The following LRRC2 variants were observed in gnomAD, a reference collection of about 807,000 sequenced individuals.
The protein encoded by LRRC2 is leucine rich repeat containing 2.
LRRC2 carries 27 observed loss-of-function variants against 40.2 expected under a neutral mutation model. The observed-to-expected ratio is 0.67, with a 90% CI of 0.49 to 0.93. The LOEUF (loss-of-function observed/expected upper bound fraction) is 0.93, where lower values mean the gene tolerates loss of function less well. Ranked by LOEUF, LRRC2 falls within the 40% of genes least tolerant of loss-of-function variation. The pLI is 0.00. For synonymous variants in LRRC2, 147 were observed against 158.9 expected, an observed-to-expected ratio of 0.92 and a Z score of 0.56; for missense variants, 402 against 439.6, an observed-to-expected ratio of 0.91 and a Z score of 0.76.
At chr3:46,550,377 C>CTTTTTTTTTTTT (rs34602158) in intron 2 of LRRC2, among the ~76,000 whole-genome samples, 1 of 84,006 alleles carries the variant, frequency 1.2e-5, no homozygotes, top group African/African-American at 5.0e-5. Flanking sequence ...CCTTACACAT[C>CTTTTTTTTTTTT]TTTTTTTTTT....
At chr3:46,560,474 T>G (rs1704910153) in intron 1 of LRRC2, among the ~76,000 whole-genome samples, 1 of 152,228 alleles carries the variant, frequency 6.6e-6, no homozygotes, top group Non-Finnish European at 1.5e-5. Context: ...CATCATCATA[T>G]GCTACCCCAA....
Position 46,545,049 on chromosome 3 carries a change from C to A in LRRC2, c.330G>T (p.Trp110Cys). 1 of 1,612,416 alleles carries A rather than the reference C, an allele frequency of 6.2e-7. No individual in the cohort carries two copies. Among genetic ancestry groups the A allele is most frequent in the Non-Finnish European group, 8.5e-7 (1 of 1,179,812 alleles). The change falls in exon 3 of 9, where the codon TGG (tryptophan) becomes TGT (cysteine). Residue 110 changes from tryptophan to cysteine, a missense_variant. By Grantham distance (215) the Trp-to-Cys change is radical (BLOSUM62 -2). Coordinates refer to ENST00000395905, the MANE Select transcript of LRRC2 (RefSeq NM_024512.5). ...GGCGAGAACTGCCTCGACTCACCGT[C>A]CAGTGCTCCCCAGAAAGTTCAAACA... ...AFVFELSGEH[W>C]TELPDSLKEQ...
chr3:46,565,172 AG>A (rs1428446483), intron 1 of LRRC2, among the ~76,000 whole-genome samples: 2 of 152,226 alleles, frequency 1.3e-5, no homozygotes, highest in Non-Finnish European at 2.9e-5. Flanking sequence ...AAATCCAGCC[AG>A]GGGAGGCAGA....
chr3:46,555,247 T>C (rs1224924517), intron 1 of LRRC2, among the ~76,000 whole-genome samples: 1 of 152,182 alleles, frequency 6.6e-6, no homozygotes, highest in Non-Finnish European at 1.5e-5. Context: ...TATATGCTTA[T>C]AGTTGATGTG....
chr3:46,555,649 C>T (rs1160622930), intron 1 of LRRC2, among the ~76,000 whole-genome samples: 1 of 152,120 alleles, frequency 6.6e-6, no homozygotes, highest in African/African-American at 2.4e-5. Flanking sequence ...ATAGGTCCTC[C>T]TACATTCCCA....
intron 8 of LRRC2, among the ~76,000 whole-genome samples, chr3:46,520,360 G>C (rs1703944201): frequency 6.6e-6 from 1 of 151,728 alleles, no homozygotes; most frequent in Non-Finnish European, 1.5e-5. Flanking sequence ...GAACACTAAA[G>C]GCTCTCACAA....
intron 5 of LRRC2, 50 bp downstream of exon 5, chr3:46,532,723 T>C: frequency 6.3e-7 from 1 of 1,585,136 alleles, no homozygotes; most frequent in Non-Finnish European, 8.6e-7. Context: ...CCATTCTATG[T>C]CATAAACCAA....
chr3:46,539,690 G>C (rs1704344313), intron 3 of LRRC2, among the ~76,000 whole-genome samples: 1 of 152,206 alleles, frequency 6.6e-6, no homozygotes, highest in South Asian at 2.1e-4. Flanking sequence ...ACAGTCAGCT[G>C]GGACACCTGA....
intron 4 of LRRC2, among the ~76,000 whole-genome samples, chr3:46,533,769 CCTCT>C (rs753806081): frequency 1.5e-5 from 1 of 67,834 alleles, no homozygotes; most frequent in Non-Finnish European, 3.3e-5. Context: ...TCCCTCCCTC[CCTCT>C]CTTTTCTTTC....
rs1382570938 is a variant in LRRC2 at position 46,533,742 on chromosome 3, CTTCCTTCT to C, written c.491-841_491-834del. 1.6e-3 allele frequency among the ~76,000 whole-genome samples: 174 copies of C among 109,194 alleles called. 1 individual carries two copies. The highest frequency in any genetic ancestry group is 0.011 in the South Asian group (36 of 3,228). The allele number at this position is 109,194 out of a possible 152,430, so 71.6% of individuals were successfully genotyped here. A position where few individuals can be genotyped will look rare whatever the true frequency, so the allele number is the denominator to read the frequency against. Reference sequence around the variant, plus strand: ...CCTTCCTTCCTTCCTTCCTTCCTTCCTTCCTTCTTCCTTCCCTCCCTCCCTCCCTCTCT... The same window carrying C: ...CCTTCCTTCCTTCCTTCCTTCCTTCCTCCTTCCCTCCCTCCCTCCCTCTCT... On this transcript the variant is annotated intron_variant, in intron 4 of 8. Coordinates refer to ENST00000395905, the MANE Select transcript of LRRC2 (RefSeq NM_024512.5).
rs1029124807 is a variant in LRRC2 at position 46,517,980 on chromosome 3, C to T, written c.*1034G>A. The T allele has an allele frequency of 3.3e-5, 5 of 152,358 alleles. No homozygotes were observed. Among genetic ancestry groups the T allele is most frequent in the African/African-American group, 1.2e-4 (5 of 41,446 alleles). 9.4% of individuals were successfully genotyped at this position (152,358 alleles called of 1,614,324 possible). A position where few individuals can be genotyped will look rare whatever the true frequency, so the allele number is the denominator to read the frequency against. On this transcript the variant is annotated 3_prime_UTR_variant, in exon 9 of 9. Coordinates refer to ENST00000395905, the MANE Select transcript of LRRC2 (RefSeq NM_024512.5). ...GGACCCTGAGGGCGTTGCCTTTGCT[C>T]TTTACTGAGGTGTGTCCCAGGACCC...
intron 2 of LRRC2, among the ~76,000 whole-genome samples, chr3:46,550,906 C>A (rs1704631134): frequency 6.6e-6 from 1 of 152,236 alleles, no homozygotes; most frequent in Non-Finnish European, 1.5e-5. Flanking sequence ...CCATCTTCAA[C>A]CTTTCTACCT....
chr3:46,532,637 G>A (rs546699470), intron 5 of LRRC2, 136 bp downstream of exon 5: 15 of 976,202 alleles, frequency 1.5e-5, no homozygotes, highest in South Asian at 5.2e-5. Context: ...ACCAGTATAC[G>A]GTGATTGAAA....
At position 46,532,871 on chromosome 3, in the gene LRRC2, T is replaced by C; in HGVS notation, c.529A>G (p.Asn177Asp). 1 of 1,614,064 alleles carries C rather than the reference T, an allele frequency of 6.2e-7. No individual in the cohort carries two copies. The highest frequency in any genetic ancestry group is 8.5e-7 in the Non-Finnish European group (1 of 1,179,942). Residue 177 changes from asparagine (N) to aspartate (D), a missense_variant, in exon 5 of 9, where the codon AAC (asparagine) becomes GAC (aspartate). By Grantham distance (23) the Asn-to-Asp change is conservative (BLOSUM62 1). Transcript: ENST00000395905. ...KNLKELNVGF[N>D]YLKSIPPELG... ...TCTGGAGGAATGCTCTTCAGATAGT[T>C]GAAACCCACATTGAGTTCTTTCAGG...
intron 1 of LRRC2, among the ~76,000 whole-genome samples, chr3:46,552,407 C>T (rs1209883903): frequency 1.3e-5 from 2 of 150,774 alleles, no homozygotes. Context: ...CTCACATAGG[C>T]GGTGTTATAA....
At chr3:46,548,492 T>C (rs1156436410) in intron 2 of LRRC2, among the ~76,000 whole-genome samples, 3 of 152,210 alleles carry the variant, frequency 2.0e-5, no homozygotes, top group East Asian at 3.8e-4. Flanking sequence ...TATAATTCAA[T>C]GTGAAATCTT....
chr3:46,539,497 T>A (rs1040941443), intron 3 of LRRC2, among the ~76,000 whole-genome samples: 2 of 152,218 alleles, frequency 1.3e-5, no homozygotes, highest in African/African-American at 2.4e-5. Flanking sequence ...TGTGTATTAT[T>A]TATTTGCAAC....
At chr3:46,563,078 T>C (rs556200915) in intron 1 of LRRC2, among the ~76,000 whole-genome samples, 1 of 151,834 alleles carries the variant, frequency 6.6e-6, no homozygotes, top group South Asian at 2.1e-4. Context: ...ACTATGCAGA[T>C]AGTATGCACA....
intron 1 of LRRC2, among the ~76,000 whole-genome samples, chr3:46,554,536 T>C (rs1199162675): frequency 1.3e-5 from 2 of 151,562 alleles, no homozygotes; most frequent in African/African-American, 4.8e-5. Context: ...TCCCAGCTAC[T>C]CGGGAGGCTG....
Sources: gnomAD v4.1 joint callset for allele counts (sites outside exome capture counted in the v4.1 genomes callset) on GRCh38, gnomAD v4.1.1 for gene constraint, MANE v1.5 for transcripts, NCBI Gene and HGNC (gene_info 2026-07-23, HGNC 2026-07-21) for gene names.